The following GPC6 variants were observed in gnomAD, a reference collection of about 807,000 sequenced individuals.
GPC6 encodes the protein glypican-6.
GPC6 carries 14 observed loss-of-function variants against 55.2 expected under a neutral mutation model. That is an observed-to-expected ratio of 0.25 (90% CI 0.17 to 0.40). The LOEUF is 0.40. GPC6 is among the 10% of genes least tolerant of loss of function. The probability of loss-of-function intolerance (pLI) is 1.00; values close to 1 mark genes in which losing one functional copy is unlikely to be tolerated. For synonymous variants in GPC6, 278 were observed against 259.6 expected (o/e 1.07, Z -0.68); for missense variants, 641 against 708.5 (o/e 0.90, Z 1.08).
intron 2 of GPC6, among the ~76,000 whole-genome samples, chr13:93,726,945 GAA>G (rs2138830915): frequency 6.6e-6 from 1 of 152,178 alleles, no homozygotes; most frequent in African/African-American, 2.4e-5. Context: ...GTTGATGAGA[GAA>G]AAGTCTTGTT....
chr13:93,772,895 T>C (rs765680444), intron 2 of GPC6, among the ~76,000 whole-genome samples: 2 of 152,176 alleles, frequency 1.3e-5, no homozygotes, highest in Non-Finnish European at 2.9e-5. Flanking sequence ...ATTTTTATTA[T>C]GGATGCTGCT....
chr13:93,890,409 G>A (rs932681384), intron 3 of GPC6, among the ~76,000 whole-genome samples: 2 of 152,030 alleles, frequency 1.3e-5, no homozygotes, highest in Admixed American at 1.3e-4. Flanking sequence ...TCAATTACTT[G>A]TTTACTGTAA....
intron 1 of GPC6, among the ~76,000 whole-genome samples, chr13:93,532,718 A>G (rs369226204): frequency 1.3e-5 from 2 of 152,174 alleles, no homozygotes; most frequent in African/African-American, 4.8e-5. Flanking sequence ...TCTCTGAAAC[A>G]GGAAAGTCAA....
intron 1 of GPC6, among the ~76,000 whole-genome samples, chr13:93,310,707 G>A (rs906794471): frequency 1.4e-4 from 22 of 152,034 alleles, no homozygotes; most frequent in Admixed American, 3.9e-4. Context: ...TTGAAAATGC[G>A]ACTACCATGT....
chr13:93,273,831 C>CA (rs1877634056), intron 1 of GPC6, among the ~76,000 whole-genome samples: 1 of 151,498 alleles, frequency 6.6e-6, no homozygotes, highest in African/African-American at 2.4e-5. Flanking sequence ...TTTTTTGAGA[C>CA]AGAGTCTCAC....
chr13:93,943,434 C>T (rs1426529217), intron 3 of GPC6, among the ~76,000 whole-genome samples: 1 of 152,134 alleles, frequency 6.6e-6, no homozygotes, highest in Non-Finnish European at 1.5e-5. Context: ...CTTACTCTCA[C>T]TCTGGAGCTT....
At chr13:93,298,247 A>G (rs527311437) in intron 1 of GPC6, among the ~76,000 whole-genome samples, 2 of 152,314 alleles carry the variant, frequency 1.3e-5, no homozygotes, top group Admixed American at 6.5e-5. Flanking sequence ...CAGATCTTGC[A>G]TGTACCCAGA....
intron 2 of GPC6, among the ~76,000 whole-genome samples, chr13:93,772,443 A>G (rs745846740): frequency 2.0e-5 from 3 of 151,950 alleles, no homozygotes; most frequent in Non-Finnish European, 4.4e-5. Context: ...CATTACATGG[A>G]GTTTTCAAGG....
chr13:93,647,199 T>G (rs1880211738), intron 2 of GPC6, among the ~76,000 whole-genome samples: 1 of 152,188 alleles, frequency 6.6e-6, no homozygotes, highest in Non-Finnish European at 1.5e-5. Context: ...CCTACAAGTA[T>G]TCTAAGACTG....
chr13:93,937,351 C>A (rs1878487368), intron 3 of GPC6, among the ~76,000 whole-genome samples: 1 of 152,146 alleles, frequency 6.6e-6, no homozygotes, highest in Non-Finnish European at 1.5e-5. Flanking sequence ...TTTAAACACG[C>A]ACAGTCAGCT....
chr13:94,028,241 G>A (rs1683705971), intron 4 of GPC6, among the ~76,000 whole-genome samples: 1 of 151,890 alleles, frequency 6.6e-6, no homozygotes, highest in Non-Finnish European at 1.5e-5. Context: ...CTCCAGCCTG[G>A]GTGACAGAGT....
At chr13:94,109,588 G>T (rs1049220333) in intron 4 of GPC6, among the ~76,000 whole-genome samples, 2 of 152,070 alleles carry the variant, frequency 1.3e-5, no homozygotes, top group African/African-American at 2.4e-5. Context: ...GTCGAATTCA[G>T]TAAGCAAAAA....
At chr13:93,822,308 T>A (rs762672357) in intron 2 of GPC6, among the ~76,000 whole-genome samples, 2 of 152,136 alleles carry the variant, frequency 1.3e-5, no homozygotes, top group Non-Finnish European at 2.9e-5. Context: ...TCCCAGGTTC[T>A]GTGTTTGATT....
intron 2 of GPC6, among the ~76,000 whole-genome samples, chr13:93,562,165 A>G (rs1875846689): frequency 6.6e-6 from 1 of 152,042 alleles, no homozygotes; most frequent in Non-Finnish European, 1.5e-5. Context: ...TGTGATGCAT[A>G]ATAAAATGAA....
intron 1 of GPC6, among the ~76,000 whole-genome samples, chr13:93,261,580 A>C (rs916907886): frequency 2.6e-5 from 4 of 152,208 alleles, no homozygotes; most frequent in African/African-American, 9.6e-5. Context: ...ATTTCTTTGC[A>C]TGGAATAAAA....
intron 2 of GPC6, among the ~76,000 whole-genome samples, chr13:93,556,216 CA>C (rs1875454757): frequency 1.3e-5 from 2 of 151,784 alleles, no homozygotes; most frequent in Admixed American, 1.3e-4. Flanking sequence ...ATCCTTTTTC[CA>C]TTTATTTTCT....
At chr13:94,052,409 C>T (rs966487029) in intron 4 of GPC6, among the ~76,000 whole-genome samples, 8 of 152,080 alleles carry the variant, frequency 5.3e-5, no homozygotes, top group Non-Finnish European at 7.4e-5. Context: ...AAATGCCTAA[C>T]GGTATCATTA....
chr13:93,480,766 A>G (rs953729911), intron 1 of GPC6, among the ~76,000 whole-genome samples: 1 of 152,222 alleles, frequency 6.6e-6, no homozygotes, highest in African/African-American at 2.4e-5. Flanking sequence ...ACTGTAGCAC[A>G]TGGAAGAATG....
chr13:93,970,748 C>T (rs1366143662), intron 3 of GPC6, among the ~76,000 whole-genome samples: 1 of 152,170 alleles, frequency 6.6e-6, no homozygotes, highest in Non-Finnish European at 1.5e-5. Context: ...TAGGATGAAA[C>T]TCGCATCAAC....
Sources: gnomAD v4.1 joint callset for allele counts (sites outside exome capture counted in the v4.1 genomes callset) on GRCh38, gnomAD v4.1.1 for gene constraint, MANE v1.5 for transcripts, NCBI Gene and HGNC (gene_info 2026-07-23, HGNC 2026-07-21) for gene names.